GRIK1: variants seen among roughly 807,000 people sequenced by gnomAD.
The protein encoded by GRIK1 is glutamate ionotropic receptor kainate type subunit 1, also known as glutamate receptor ionotropic, kainate 1.
GRIK1 carries 69 observed loss-of-function variants against 105.7 expected under a neutral mutation model. The ratio of observed to expected loss-of-function variants is 0.65; its 90% CI spans 0.54 to 0.80. The LOEUF (loss-of-function observed/expected upper bound fraction) is 0.80, where lower values mean the gene tolerates loss of function less well. Among genes scored for constraint, GRIK1 ranks in the 30% least tolerant of loss-of-function variants. The probability of loss-of-function intolerance (pLI) is 0.00; values close to 1 mark genes in which losing one functional copy is unlikely to be tolerated. For synonymous variants in GRIK1, 438 were observed against 431.3 expected, an observed-to-expected ratio of 1.02 and a Z score of -0.19; for missense variants, 1,109 against 1,167.3, an observed-to-expected ratio of 0.95 and a Z score of 0.73.
At chr21:29,648,996 T>G (rs150437183) in intron 6 of GRIK1, among the ~76,000 whole-genome samples, 3 of 152,190 alleles carry the variant, frequency 2.0e-5, no homozygotes, top group Non-Finnish European at 4.4e-5. Flanking sequence ...CAAAGATTTG[T>G]TAGCTTTGGG....
intron 1 of GRIK1, among the ~76,000 whole-genome samples, chr21:29,869,009 C>A (rs938499966): frequency 6.6e-6 from 1 of 152,160 alleles, no homozygotes; most frequent in African/African-American, 2.4e-5. Context: ...AACAAGACAG[C>A]CTGGCATACA....
At chr21:29,822,664 G>A (rs1189862457) in intron 1 of GRIK1, among the ~76,000 whole-genome samples, 2 of 151,874 alleles carry the variant, frequency 1.3e-5, no homozygotes, top group East Asian at 3.9e-4. Context: ...ATATATGGAT[G>A]GACTTTCTGG....
At chr21:29,595,427 CTA>C (rs1033046956) in intron 9 of GRIK1, among the ~76,000 whole-genome samples, 9 of 149,864 alleles carry the variant, frequency 6.0e-5, no homozygotes, top group African/African-American at 2.2e-4. Context: ...AGATCGCCTT[CTA>C]CATGCACTTA....
chr21:29,730,620 C>CT (rs1211826615), intron 1 of GRIK1, among the ~76,000 whole-genome samples: 1 of 152,192 alleles, frequency 6.6e-6, no homozygotes, highest in East Asian at 1.9e-4. Flanking sequence ...TCCTGGCTCT[C>CT]TTTTTATCCT....
chr21:29,819,414 T>A (rs969273513), intron 1 of GRIK1, among the ~76,000 whole-genome samples: 3 of 152,042 alleles, frequency 2.0e-5, no homozygotes, highest in Non-Finnish European at 4.4e-5. Context: ...CAGAGCCAAA[T>A]TAAAAATCAG....
chr21:29,694,107 T>A (rs2063641884), intron 1 of GRIK1, 44 bp from the exon 2 acceptor site: 1 of 1,013,504 alleles, frequency 9.9e-7, no homozygotes, highest in Non-Finnish European at 1.5e-6. Flanking sequence ...AGTCACATGG[T>A]TCACATGTAA....
chr21:29,933,582 G>A (rs995161435), intron 1 of GRIK1, among the ~76,000 whole-genome samples: 30 of 152,246 alleles, frequency 2.0e-4, no homozygotes, highest in Admixed American at 8.5e-4. Context: ...ATAGGTAATT[G>A]TGGAGCACAA....
At chr21:29,807,089 G>A (rs377342904) in intron 1 of GRIK1, among the ~76,000 whole-genome samples, 5 of 152,144 alleles carry the variant, frequency 3.3e-5, no homozygotes, top group Admixed American at 6.6e-5. Flanking sequence ...AGCAGGGTTT[G>A]AACACAGCAG....
chr21:29,596,808 C>A, intron 8 of GRIK1: 1 of 540,452 alleles, frequency 1.9e-6, no homozygotes, highest in Non-Finnish European at 3.3e-6. Flanking sequence ...TTTCCTTTCA[C>A]ACACCAAGAA....
intron 1 of GRIK1, among the ~76,000 whole-genome samples, chr21:29,921,842 G>A (rs1396454288): frequency 6.6e-6 from 1 of 152,124 alleles, no homozygotes; most frequent in African/African-American, 2.4e-5. Flanking sequence ...GAAAATTTTG[G>A]TTTAAAAATT....
chr21:29,926,859 A>G (rs1003751743), intron 1 of GRIK1, among the ~76,000 whole-genome samples: 1 of 152,180 alleles, frequency 6.6e-6, no homozygotes, highest in Non-Finnish European at 1.5e-5. Flanking sequence ...TTTTTCCCTA[A>G]GGAATTTTAT....
chr21:29,685,510 T>C (rs2063471544), intron 3 of GRIK1, among the ~76,000 whole-genome samples: 1 of 152,180 alleles, frequency 6.6e-6, no homozygotes, highest in Non-Finnish European at 1.5e-5. Context: ...TTGCTCTCTA[T>C]GCTGACTGCG....
intron 1 of GRIK1, among the ~76,000 whole-genome samples, chr21:29,781,472 C>T (rs562225422): frequency 2.0e-5 from 3 of 152,282 alleles, no homozygotes; most frequent in Non-Finnish European, 2.9e-5. Context: ...TTCCCACTCT[C>T]ATTACTCTCT....
chr21:29,611,002 A>C (rs2061719228), intron 7 of GRIK1, among the ~76,000 whole-genome samples: 1 of 152,128 alleles, frequency 6.6e-6, no homozygotes, highest in South Asian at 2.1e-4. Context: ...ATGACATCAG[A>C]CTTTTGGTAA....
chr21:29,710,583 C>A (rs952308399), intron 1 of GRIK1, among the ~76,000 whole-genome samples: 12 of 151,454 alleles, frequency 7.9e-5, no homozygotes, highest in South Asian at 2.1e-4. Flanking sequence ...TTACCTATTT[C>A]AATGACACAA....
chr21:29,592,388 C>T (rs1302469908), intron 9 of GRIK1, among the ~76,000 whole-genome samples: 1 of 152,144 alleles, frequency 6.6e-6, no homozygotes, highest in Non-Finnish European at 1.5e-5. Context: ...AATAATGATC[C>T]ACAATTTTCT....
rs149560509 is a variant in GRIK1 at position 29,799,336 on chromosome 21, A to G, written c.119-105273T>C. 8.5e-5 allele frequency among the ~76,000 whole-genome samples: 13 copies of G among 152,318 alleles called. No individual in the cohort carries two copies. The East Asian group carries it at 1.9e-3, about 23-fold the overall frequency. The stretch of plus-strand genomic sequence containing the variant: ...CATGGCGCTGTTATGCTATTCACGG[A>G]ATGTCTCACTTAAGGTAGAGAGTAG... On this transcript the variant is annotated intron_variant, in intron 1 of 17. Coordinates refer to ENST00000327783, the MANE Select transcript of GRIK1 (RefSeq NM_001330994.2).
intron 1 of GRIK1, among the ~76,000 whole-genome samples, chr21:29,727,902 C>T (rs2064510934): frequency 6.6e-6 from 1 of 152,136 alleles, no homozygotes; most frequent in Non-Finnish European, 1.5e-5. Context: ...CCGGAAAAGC[C>T]AGTCTGAGTC....
intron 7 of GRIK1, among the ~76,000 whole-genome samples, chr21:29,638,628 A>G (rs766883898): frequency 6.6e-6 from 1 of 152,248 alleles, no homozygotes; most frequent in Non-Finnish European, 1.5e-5. Context: ...ATATTTATGC[A>G]TGAGAAAACA....
Sources: gnomAD v4.1 joint callset for allele counts (sites outside exome capture counted in the v4.1 genomes callset) on GRCh38, gnomAD v4.1.1 for gene constraint, MANE v1.5 for transcripts, NCBI Gene and HGNC (gene_info 2026-07-23, HGNC 2026-07-21) for gene names.